The following FUT8 variants were observed in gnomAD, a reference collection of about 807,000 sequenced individuals.
The protein encoded by FUT8 is alpha-(1,6)-fucosyltransferase.
In FUT8, 29 loss-of-function variants were observed where a neutral mutation model predicts 71.3. That is an observed-to-expected ratio of 0.41 (90% CI 0.30 to 0.55). The LOEUF is 0.55. Ranked by LOEUF, FUT8 falls within the 20% of genes least tolerant of loss-of-function variation. The pLI, the probability that FUT8 is intolerant of heterozygous loss-of-function variation, is 0.34. For synonymous variants in FUT8, 254 were observed against 239.3 expected (o/e 1.06, Z -0.57); for missense variants, 544 against 702.1 (o/e 0.77, Z 2.55).
chr14:65,424,373 A>G (rs2065350684), intron 1 of FUT8, among the ~76,000 whole-genome samples: 2 of 152,138 alleles, frequency 1.3e-5, no homozygotes, highest in Non-Finnish European at 2.9e-5. Flanking sequence ...CTCAGTGTCA[A>G]ATGCCACCAT....
rs1029581755 is a variant in FUT8 at position 65,489,836 on chromosome 14, A to G, written c.-228+34118A>G. Among the ~76,000 whole-genome samples the G allele has an allele frequency of 6.6e-6, 1 of 152,142 alleles. No homozygotes were observed. The highest frequency in any genetic ancestry group is 1.5e-5 in the Non-Finnish European group (1 of 67,984). On this transcript the variant is annotated intron_variant, in intron 2 of 10. Coordinates refer to ENST00000673929, the MANE Select transcript of FUT8 (RefSeq NM_001371533.1). The surrounding 1 kb of genome is among the most constrained non-coding windows in gnomAD (Gnocchi z 4.0). Reference sequence around the variant, plus strand: ...GCATGGCAAGGGAGAAGAAACTTACATGCAAGTTTTTGCACAAATATCAAA... The same window carrying G: ...GCATGGCAAGGGAGAAGAAACTTACGTGCAAGTTTTTGCACAAATATCAAA...
At chr14:65,631,979 C>T (rs1314706607) in intron 6 of FUT8, among the ~76,000 whole-genome samples, 1 of 152,152 alleles carries the variant, frequency 6.6e-6, no homozygotes, top group African/African-American at 2.4e-5. Context: ...AGTTACTTCA[C>T]TCAGAATAAT....
At chr14:65,532,955 T>C (rs1410887934) in intron 2 of FUT8, among the ~76,000 whole-genome samples, 1 of 152,130 alleles carries the variant, frequency 6.6e-6, no homozygotes, top group East Asian at 1.9e-4. Context: ...AGATATGCAG[T>C]CTTATTTCTG....
intron 1 of FUT8, among the ~76,000 whole-genome samples, chr14:65,440,379 C>G (rs2065635390): frequency 6.6e-6 from 1 of 150,848 alleles, no homozygotes; most frequent in African/African-American, 2.4e-5. Flanking sequence ...TGGGATCTCA[C>G]TGTGTTGCCC....
At chr14:65,368,070 T>C in the FUT8 span, among the ~76,000 whole-genome samples, 1 of 148,382 alleles carries the variant, frequency 6.7e-6, no homozygotes, top group Non-Finnish European at 1.5e-5. Flanking sequence ...TTTTTTTTTT[T>C]TGAGACGGAG....
At chr14:65,707,139 G>C (rs759595267) in intron 7 of FUT8, among the ~76,000 whole-genome samples, 5 of 152,036 alleles carry the variant, frequency 3.3e-5, no homozygotes, top group Non-Finnish European at 7.4e-5. Flanking sequence ...GGTGTACAAG[G>C]GTTCCCTTTC....
intron 3 of FUT8, among the ~76,000 whole-genome samples, chr14:65,614,969 T>G (rs1397220341): frequency 1.3e-5 from 2 of 152,218 alleles, no homozygotes; most frequent in African/African-American, 4.8e-5. Context: ...AGTTTGGAAT[T>G]AAGTTGAACA....
intron 10 of FUT8, among the ~76,000 whole-genome samples, chr14:65,735,383 A>G (rs569064862): frequency 1.3e-5 from 2 of 152,140 alleles, no homozygotes; most frequent in South Asian, 2.1e-4. Flanking sequence ...CATAATGTCA[A>G]CTTCAGTGTA....
At position 65,669,096 on chromosome 14, in the gene FUT8, G is replaced by T. The variant is rs1892352132; in HGVS notation, c.598-147G>T. On this transcript the variant is annotated intron_variant, in intron 6 of 10. Transcript: ENST00000673929. The surrounding 1 kb of genome is among the most constrained non-coding windows in gnomAD (Gnocchi z 4.5). ...ATCACTTACTATGCTGATTACTTGG[G>T]GTGTATACCAAACCCCACGACACAC... 4.9e-6 allele frequency: 3 copies of T among 616,146 alleles called. No individual in the cohort carries two copies. The highest frequency in any genetic ancestry group is 8.5e-6 in the Non-Finnish European group (3 of 353,084). 38.2% of individuals were successfully genotyped at this position (616,146 alleles called of 1,614,324 possible).
Position 65,439,954 on chromosome 14 carries a change from G to GTGTATATATATATATATATA in FUT8, c.-325-15666_-325-15665insGTATATATATATATATATAT. ...ATAAAGAAAATGTGTGTGTGTGTGT[G>GTGTATATATATATATATATA]TATATATATATATATATATATATAT... On this transcript the variant is annotated intron_variant, in intron 1 of 10. Transcript: ENST00000673929. Among the ~76,000 whole-genome samples, 35 of 74,946 alleles carry GTGTATATATATATATATATA rather than the reference G, an allele frequency of 4.7e-4. No individual in the cohort carries two copies. The East Asian group carries it at 5.5e-3, about 12-fold the overall frequency. The allele number at this position is 74,946 out of a possible 152,430, so 49.2% of individuals were successfully genotyped here.
At position 65,439,707 on chromosome 14, in the gene FUT8, T is replaced by A. The variant is rs1043399890; in HGVS notation, c.-325-15914T>A. Among the ~76,000 whole-genome samples, 6 of 151,890 alleles carry A rather than the reference T, an allele frequency of 4.0e-5. No individual in the cohort carries two copies. The South Asian group carries it at 1.0e-3, about 26-fold the overall frequency. On this transcript the variant is annotated intron_variant, in intron 1 of 10. Transcript: ENST00000673929. ...TTTTCTCTATGGATGTGGAGTACTT[T>A]TAAAGGAAAATAAATGCTCCCTTAA... is the stretch of plus-strand genomic sequence containing the variant.
chr14:65,742,182 G>A lies in FUT8; in HGVS notation c.1500G>A (p.Gly500=), dbSNP rs200253070. The A allele has an allele frequency of 6.2e-7, 1 of 1,612,944 alleles. No individual in the cohort carries two copies. The highest frequency in any genetic ancestry group is 2.2e-5 in the East Asian group (1 of 44,830). The part of the protein sequence containing the change: ...FHSLDDIYYF[G]GQNAHNQIAI... ...CTTTAGATGACATCTACTATTTTGG[G>A]GGCCAGAATGCCCACAATCAAATTG... is the stretch of plus-strand genomic sequence containing the variant. The change falls in exon 11 of 11, where the codon GGG becomes GGA. Residue 500 remains glycine, a synonymous_variant. Coordinates refer to ENST00000673929, the MANE Select transcript of FUT8 (RefSeq NM_001371533.1).
intron 2 of FUT8, among the ~76,000 whole-genome samples, chr14:65,492,999 G>T (rs1464709201): frequency 6.6e-6 from 1 of 151,976 alleles, no homozygotes; most frequent in African/African-American, 2.4e-5. Flanking sequence ...TAAGGTGAAA[G>T]TTTAAACTTG....
intron 7 of FUT8, among the ~76,000 whole-genome samples, chr14:65,694,389 CT>C (rs1893875819): frequency 6.6e-6 from 1 of 151,914 alleles, no homozygotes. Flanking sequence ...TTTTTTATTT[CT>C]TGACATTTCT....
At chr14:65,448,638 T>C (rs1470033801) in intron 1 of FUT8, among the ~76,000 whole-genome samples, 1 of 152,126 alleles carries the variant, frequency 6.6e-6, no homozygotes, top group Non-Finnish European at 1.5e-5. Context: ...AACCACAGGC[T>C]CTGTTCTCAT....
Position 65,423,068 on chromosome 14 carries a change from C to T in FUT8, c.-326+9854C>T, listed in dbSNP as rs181762204. Among the ~76,000 whole-genome samples the T allele has an allele frequency of 5.3e-3, 796 of 150,346 alleles. 9 individuals carry two copies. Among genetic ancestry groups the T allele is most frequent in the Middle Eastern group, 0.037 (11 of 294 alleles). ...TGGCGCGATCTCGGCTCACTGCAACCTCCGCCTTCCGAGTTCAAGTGATTC... is the reference window on the plus strand; with the variant it reads ...TGGCGCGATCTCGGCTCACTGCAACTTCCGCCTTCCGAGTTCAAGTGATTC... On this transcript the variant is annotated intron_variant, in intron 1 of 10. Transcript: ENST00000673929.
chr14:65,505,489 T>A (rs1198186543), intron 2 of FUT8, among the ~76,000 whole-genome samples: 1 of 151,830 alleles, frequency 6.6e-6, no homozygotes, highest in African/African-American at 2.4e-5. Flanking sequence ...ATTTTTTGTA[T>A]TTTTAGTAGA....
At chr14:65,452,827 G>A (rs1046541826) in intron 1 of FUT8, among the ~76,000 whole-genome samples, 2 of 152,230 alleles carry the variant, frequency 1.3e-5, no homozygotes, top group Non-Finnish European at 2.9e-5. Flanking sequence ...GACTTCCAAC[G>A]TTCTAGTTTT....
rs1279690439 is a variant in FUT8, at chr14:65,602,341, T to TCACACACA, written c.204-13636_204-13635insACACACAC. Reference sequence around the variant, plus strand: ...TTTCATGGCCGAGTAGCGTTCCATCTCTCACACACACACACACACACACAC... The same window carrying TCACACACA: ...TTTCATGGCCGAGTAGCGTTCCATCTCACACACACTCACACACACACACACACACACAC... On this transcript the variant is annotated intron_variant, in intron 3 of 10. Transcript: ENST00000673929. Among the ~76,000 whole-genome samples the TCACACACA allele has an allele frequency of 1.2e-4, 6 of 50,066 alleles. 1 individual carries two copies. The highest frequency in any genetic ancestry group is 5.8e-4 in the South Asian group (1 of 1,724). The allele number at this position is 50,066 out of a possible 152,430, so 32.8% of individuals were successfully genotyped here.
Sources: allele counts gnomAD v4.1 joint callset (sites outside exome capture counted in the v4.1 genomes callset), GRCh38; gene constraint gnomAD v4.1.1; non-coding constraint Gnocchi (gnomAD v3.1); transcripts MANE v1.5; gene names NCBI Gene and HGNC (gene_info 2026-07-23, HGNC 2026-07-21).